The following SCML4 variants were observed in gnomAD, a reference collection of about 807,000 sequenced individuals.
SCML4 encodes the protein Scm polycomb group protein like 4, also known as sex comb on midleg-like protein 4.
In SCML4, 34 loss-of-function variants were observed where a neutral mutation model predicts 41.1. The observed-to-expected ratio is 0.83, with a 90% CI of 0.63 to 1.10. SCML4 has a LOEUF of 1.10. Among genes scored for constraint, SCML4 ranks in the 50% least tolerant of loss-of-function variants. The pLI is 0.00. For missense variants in SCML4, 522 were observed against 534.1 expected, an observed-to-expected ratio of 0.98 and a Z score of 0.22; for synonymous variants, 214 against 220.9, an observed-to-expected ratio of 0.97 and a Z score of 0.28.
chr6:107,810,767 T>C (rs1784101479), intron 1 of SCML4, among the ~76,000 whole-genome samples: 1 of 152,134 alleles, frequency 6.6e-6, no homozygotes, highest in Non-Finnish European at 1.5e-5. Flanking sequence ...AAATCATATA[T>C]TGAAGTCGTA....
intron 5 of SCML4, among the ~76,000 whole-genome samples, chr6:107,735,133 C>A (rs868499154): frequency 7.9e-5 from 12 of 152,204 alleles, no homozygotes; most frequent in South Asian, 4.1e-4. Context: ...ACCTCGGCCT[C>A]CCAAAGTGCT....
intron 1 of SCML4, among the ~76,000 whole-genome samples, chr6:107,782,048 G>A (rs76966984): frequency 0.027 from 4,061 of 152,238 alleles, 188 homozygotes; most frequent in African/African-American, 0.093. Context: ...CAACAGCCAG[G>A]GTGACAGAAA....
rs1195006179 is a variant in SCML4 at position 107,704,098 on chromosome 6, A to G, written c.*1102T>C. 1 of 152,224 alleles carries G rather than the reference A, an allele frequency of 6.6e-6. No homozygotes were observed. Among genetic ancestry groups the G allele is most frequent in the Non-Finnish European group, 1.5e-5 (1 of 68,038 alleles). 9.4% of individuals were successfully genotyped at this position (152,224 alleles called of 1,614,324 possible). A position where few individuals can be genotyped will look rare whatever the true frequency, so the allele number is the denominator to read the frequency against. Reference sequence around the variant, plus strand: ...AAAACCTATTTGTAAATTGAATTAAACCCCATAATAGCATGTCTGTGTATT... The same window carrying G: ...AAAACCTATTTGTAAATTGAATTAAGCCCCATAATAGCATGTCTGTGTATT... On this transcript the variant is annotated 3_prime_UTR_variant, in exon 8 of 8. Transcript: ENST00000369020.
the SCML4 span, among the ~76,000 whole-genome samples, chr6:107,840,542 G>A: frequency 1.3e-5 from 2 of 152,188 alleles, no homozygotes; most frequent in Non-Finnish European, 2.9e-5. Context: ...TAGGCTTAGT[G>A]TATGAAACAC....
intron 1 of SCML4, among the ~76,000 whole-genome samples, chr6:107,781,644 TG>T (rs1221459049): frequency 6.9e-6 from 1 of 144,074 alleles, no homozygotes; most frequent in African/African-American, 2.6e-5. Context: ...CACTCCAGCC[TG>T]GGCAACAGAG....
At chr6:107,753,998 G>C (rs1778901499) in intron 2 of SCML4, among the ~76,000 whole-genome samples, 1 of 152,222 alleles carries the variant, frequency 6.6e-6, no homozygotes, top group Non-Finnish European at 1.5e-5. Context: ...AGCTGAGTGG[G>C]AGGACAGAGG....
chr6:107,727,343 C>T (rs909124301), intron 5 of SCML4, among the ~76,000 whole-genome samples: 11 of 152,148 alleles, frequency 7.2e-5, no homozygotes, highest in Admixed American at 2.0e-4. Flanking sequence ...CTGATAGCTG[C>T]GCATATCTAT....
chr6:107,726,637 A>G (rs554550629), intron 5 of SCML4, among the ~76,000 whole-genome samples: 1 of 152,212 alleles, frequency 6.6e-6, no homozygotes, highest in Admixed American at 6.5e-5. Context: ...AAAAAGATAT[A>G]CAAATGGCCA....
intron 1 of SCML4, among the ~76,000 whole-genome samples, chr6:107,780,682 A>G (rs1781414297): frequency 6.6e-6 from 1 of 151,960 alleles, no homozygotes; most frequent in Non-Finnish European, 1.5e-5. Context: ...ACTCCAGCCT[A>G]GGCGACAGAG....
intron 5 of SCML4, chr6:107,740,248 A>G (rs1296527202): frequency 2.2e-6 from 1 of 447,346 alleles, no homozygotes; most frequent in Non-Finnish European, 4.6e-6. Context: ...AAAGTGTGAG[A>G]CCACCATGCG....
At chr6:107,786,611 C>T (rs552626431) in intron 1 of SCML4, among the ~76,000 whole-genome samples, 2 of 152,316 alleles carry the variant, frequency 1.3e-5, no homozygotes, top group East Asian at 1.9e-4. Context: ...CATCTATCCC[C>T]ACCTGGTTCA....
intron 6 of SCML4, among the ~76,000 whole-genome samples, chr6:107,708,967 TTG>T (rs763237539): frequency 2.0e-5 from 3 of 152,178 alleles, no homozygotes; most frequent in Non-Finnish European, 4.4e-5. Context: ...CCTCCCCTTT[TTG>T]TGTTTCCCAC....
chr6:107,824,663 T>C (rs999902077), upstream of SCML4, among the ~76,000 whole-genome samples: 11 of 152,232 alleles, frequency 7.2e-5, no homozygotes, highest in South Asian at 1.0e-3. Context: ...TTAGAATGGG[T>C]GTTTCCAACA....
chr6:107,838,067 C>T, the SCML4 span, among the ~76,000 whole-genome samples: 1 of 151,988 alleles, frequency 6.6e-6, no homozygotes, highest in East Asian at 1.9e-4. Flanking sequence ...GCCACCATGC[C>T]CAGCTAATTT....
At chr6:107,794,582 T>C (rs1050593633) in intron 1 of SCML4, among the ~76,000 whole-genome samples, 6 of 152,142 alleles carry the variant, frequency 3.9e-5, no homozygotes, top group Non-Finnish European at 8.8e-5. Flanking sequence ...TCTATATATA[T>C]ATATGCACAT....
intron 1 of SCML4, among the ~76,000 whole-genome samples, chr6:107,820,287 C>T (rs1784850490): frequency 6.6e-6 from 1 of 152,196 alleles, no homozygotes; most frequent in African/African-American, 2.4e-5. Context: ...CATCCATCAC[C>T]ACTTGCCCTC....
chr6:107,778,222 A>AATATATATAT (rs1163805768), intron 1 of SCML4, among the ~76,000 whole-genome samples: 67 of 15,066 alleles, frequency 4.4e-3, no homozygotes, highest in Admixed American at 6.7e-3. Flanking sequence ...AAAAAAAAAA[A>AATATATATAT]ATATATATAT....
the SCML4 span, among the ~76,000 whole-genome samples, chr6:107,833,103 T>A: frequency 6.6e-6 from 1 of 152,228 alleles, no homozygotes; most frequent in Non-Finnish European, 1.5e-5. Context: ...GAAAGCTGGC[T>A]ATCTGACAAA....
intron 5 of SCML4, among the ~76,000 whole-genome samples, chr6:107,734,520 G>A (rs1221752607): frequency 2.0e-5 from 3 of 152,134 alleles, no homozygotes; most frequent in Admixed American, 6.5e-5. Flanking sequence ...ATCAACTGCT[G>A]GACATAATAG....
Sources: allele counts gnomAD v4.1 joint callset (sites outside exome capture counted in the v4.1 genomes callset), GRCh38; gene constraint gnomAD v4.1.1; transcripts MANE v1.5; gene names NCBI Gene and HGNC (gene_info 2026-07-23, HGNC 2026-07-21).